The following BAIAP3 variants were observed in gnomAD, a reference collection of about 807,000 sequenced individuals.
BAIAP3 encodes BAI1-associated protein 3.
Under a neutral mutation model 149.7 loss-of-function variants are expected in BAIAP3, and 180 were observed. The ratio of observed to expected loss-of-function variants is 1.20; its 90% confidence interval spans 1.07 to 1.36. The LOEUF is 1.36. Among genes scored for constraint, BAIAP3 ranks in the 40% most tolerant of loss-of-function variants. BAIAP3 has a pLI of 0.00. For synonymous variants in BAIAP3, 845 were observed against 670.7 expected, an observed-to-expected ratio of 1.26 and a Z score of -4.02; for missense variants, 1,767 against 1,563.4, an observed-to-expected ratio of 1.13 and a Z score of -2.20.
At position 1,344,994 on chromosome 16, in the gene BAIAP3, C is replaced by T. The variant is rs368548091; in HGVS notation, c.1835C>T (p.Thr612Met). The T allele has an allele frequency of 2.4e-5, 39 of 1,612,718 alleles. No individual in the cohort carries two copies. Among genetic ancestry groups the T allele is most frequent in the East Asian group, 6.7e-5 (3 of 44,898 alleles). ...RLVAEEAWVL[T>M]EELSPKMTLE... is the part of the protein sequence containing the mutation. Reference sequence around the variant, plus strand: ...GTGGCTGAGGAGGCGTGGGTGCTGACGGAGGAGCTGAGCCCCAAGATGACC... The same window carrying T: ...GTGGCTGAGGAGGCGTGGGTGCTGATGGAGGAGCTGAGCCCCAAGATGACC... Residue 612 changes from threonine to methionine, a missense_variant, in exon 21 of 34, where the codon ACG (threonine) becomes ATG (methionine). Transcript: ENST00000426824.
intron 1 of BAIAP3, among the ~76,000 whole-genome samples, chr16:1,336,991 G>A (rs544116695): frequency 5.9e-5 from 9 of 152,326 alleles, no homozygotes; most frequent in African/African-American, 2.2e-4. Context: ...GAACCCAAGA[G>A]TGGGTACCTC....
At position 1,347,299 on chromosome 16, in the gene BAIAP3, C is replaced by T; in HGVS notation, c.2753C>T (p.Ala918Val). 2 of 1,613,178 alleles carry T rather than the reference C, an allele frequency of 1.2e-6. No homozygotes were observed. The highest frequency in any genetic ancestry group is 1.1e-5 in the South Asian group (1 of 91,060). Residue 918 changes from alanine to valine, a missense_variant and splice_region_variant, in exon 29 of 34, where the codon GCC becomes GTC. By Grantham distance (64) the Ala-to-Val change is moderately conservative. Coordinates refer to ENST00000426824, the MANE Select transcript of BAIAP3 (RefSeq NM_001199097.2). ...CTCTGCCTTCTTTCCCTGCCCCAGGCCCTGGTCAGTTTTTTCCACGCAGAG... is the reference window on the plus strand; with the variant it reads ...CTCTGCCTTCTTTCCCTGCCCCAGGTCCTGGTCAGTTTTTTCCACGCAGAG... ...FYSRFHFTLE[A>V]LVSFFHAEGQ... is the part of the protein sequence containing the mutation.
At chr16:1,341,081 G>A (rs368656465) in intron 6 of BAIAP3, 48 bp from the exon 7 acceptor site, 4 of 1,610,600 alleles carry the variant, frequency 2.5e-6, no homozygotes, top group African/African-American at 2.7e-5. Context: ...TAGGGCATCT[G>A]GGGGGCAGCT....
At position 1,348,308 on chromosome 16, in the gene BAIAP3, G is replaced by A. The variant is rs2034532553; in HGVS notation, c.3355+7G>A. On this transcript the variant is annotated splice_region_variant and intron_variant, in intron 33 of 33. Transcript: ENST00000426824. ...TGCCGGCCCAGAGCCCAGGGTGAGT[G>A]AGCATCTGGGTGGAGGCAGGGGCAG... The A allele has an allele frequency of 6.2e-7, 1 of 1,601,434 alleles. No individual in the cohort carries two copies. The highest frequency in any genetic ancestry group is 1.7e-5 in the Admixed American group (1 of 58,630).
intron 1 of BAIAP3, chr16:1,336,497 C>T: frequency 2.9e-6 from 2 of 693,622 alleles, no homozygotes; most frequent in Non-Finnish European, 3.6e-6. Context: ...AGAGCCTGCA[C>T]CCAGGGCTCG....
chr16:1,348,651 C>T lies in BAIAP3; in HGVS notation c.*169C>T. 1 of 678,024 alleles carries T rather than the reference C, an allele frequency of 1.5e-6. No homozygotes were observed. The highest frequency in any genetic ancestry group is 2.5e-6 in the Non-Finnish European group (1 of 399,168). 42.0% of individuals were successfully genotyped at this position (678,024 alleles called of 1,614,324 possible). On this transcript the variant is annotated 3_prime_UTR_variant, in exon 34 of 34. Coordinates refer to ENST00000426824, the MANE Select transcript of BAIAP3 (RefSeq NM_001199097.2). ...CGCCTACCGCCCTGGCCGTGTCTGT[C>T]TGGTGTGTGCTGTGAACCCCTGCAC... is the stretch of plus-strand genomic sequence containing the variant.
intron 1 of BAIAP3, chr16:1,334,368 C>T (rs1178686329): frequency 2.9e-5 from 13 of 454,724 alleles, no homozygotes; most frequent in South Asian, 2.2e-4. Context: ...CCGGACCGCC[C>T]GCCCCCTCCG....
rs376838060 is a variant in BAIAP3 at position 1,347,737 on chromosome 16, G to A, written c.2941G>A (p.Val981Ile). The A allele has an allele frequency of 2.6e-5, 42 of 1,610,004 alleles. No homozygotes were observed. Among genetic ancestry groups the A allele is most frequent in the East Asian group, 4.5e-5 (2 of 44,782 alleles). The change falls in exon 31 of 34, where the codon GTC (valine) becomes ATC (isoleucine). Residue 981 changes from valine to isoleucine, a missense_variant. Physicochemically the swap from Val to Ile is conservative, Grantham distance 29 (BLOSUM62 3). Coordinates refer to ENST00000426824, the MANE Select transcript of BAIAP3 (RefSeq NM_001199097.2). ...GCAGAACCGGTTTGGACGCCTGAGC[G>A]TCCGTTGCCATTACGAGGCGGCTGA... ...LEQNRFGRLS[V>I]RCHYEAAEQR...
At position 1,345,246 on chromosome 16, in the gene BAIAP3, C is replaced by T; in HGVS notation, c.1941-3C>T. The stretch of plus-strand genomic sequence containing the variant: ...CCGAGCCCTCACAACCCTCCCACCA[C>T]AGGGACAGCCGCTCTCTGGCCCTGG... On this transcript the variant is annotated splice_polypyrimidine_tract_variant and splice_region_variant and intron_variant, in intron 21 of 33. Coordinates refer to ENST00000426824, the MANE Select transcript of BAIAP3 (RefSeq NM_001199097.2). The T allele has an allele frequency of 1.2e-6, 2 of 1,612,758 alleles. No homozygotes were observed. The highest frequency in any genetic ancestry group is 1.7e-6 in the Non-Finnish European group (2 of 1,179,766).
chr16:1,334,880 C>T (rs1004826008), intron 1 of BAIAP3: 1 of 930,620 alleles, frequency 1.1e-6, no homozygotes, highest in Non-Finnish European at 1.7e-6. Context: ...GAGAGCCAGC[C>T]TGTGGGGCAG....
chr16:1,348,048 A>G, intron 32 of BAIAP3, 31 bp downstream of exon 32: 1 of 1,578,452 alleles, frequency 6.3e-7, no homozygotes, highest in Non-Finnish European at 8.5e-7. Flanking sequence ...CCCCAGCCCC[A>G]GGCTCCAGGC....
intron 5 of BAIAP3, 112 bp downstream of exon 5, chr16:1,339,715 T>C: frequency 2.3e-6 from 2 of 865,912 alleles, no homozygotes; most frequent in South Asian, 1.5e-5. Flanking sequence ...CCCCGATCCG[T>C]GCACAGCACA....
At chr16:1,343,967 C>T in intron 15 of BAIAP3, 55 bp from the exon 16 acceptor site, 6 of 1,603,744 alleles carry the variant, frequency 3.7e-6, no homozygotes, top group Non-Finnish European at 5.1e-6. Context: ...GAGGATGTTT[C>T]TCCTCATCAG....
rs768434936 is a variant in BAIAP3, at chr16:1,345,353, G to C, written c.2045G>C (p.Gly682Ala). The change falls in exon 22 of 34, where the codon GGA (glycine) becomes GCA (alanine). Residue 682 changes from glycine (G) to alanine (A), a missense_variant. Physicochemically the swap from Gly to Ala is moderately conservative, Grantham distance 60 (BLOSUM62 0). Coordinates refer to ENST00000426824, the MANE Select transcript of BAIAP3 (RefSeq NM_001199097.2). The part of the protein sequence containing the change: ...LRDQAKWRLQ[G>A]AVDMDTLEPV... Reference sequence around the variant, plus strand: ...GACCAGGCCAAGTGGAGGCTTCAGGGAGCCGTGGACATGGACACGGTGACA... The same window carrying C: ...GACCAGGCCAAGTGGAGGCTTCAGGCAGCCGTGGACATGGACACGGTGACA... 4 of 1,612,600 alleles carry C rather than the reference G, an allele frequency of 2.5e-6. No homozygotes were observed. The highest frequency in any genetic ancestry group is 3.4e-6 in the Non-Finnish European group (4 of 1,179,768).
rs754709280 is a variant in BAIAP3, at chr16:1,348,063, G to A, written c.3150-33G>A. 2.6e-5 allele frequency: 38 copies of A among 1,476,708 alleles called. No homozygotes were observed. The African/African-American group carries it at 2.6e-4, about 10-fold the overall frequency. The allele number at this position is 1,476,708 out of a possible 1,614,324, so 91.5% of individuals were successfully genotyped here. A position where few individuals can be genotyped will look rare whatever the true frequency, so the allele number is the denominator to read the frequency against. On this transcript the variant is annotated intron_variant, in intron 32 of 33. Transcript: ENST00000426824. Reference sequence around the variant, plus strand: ...CCCCAGCCCCAGGCTCCAGGCTGCCGGAGCGAGACTCCCGACTGGCCTCTG... The same window carrying A: ...CCCCAGCCCCAGGCTCCAGGCTGCCAGAGCGAGACTCCCGACTGGCCTCTG...
chr16:1,346,255 C>CG lies in BAIAP3; in HGVS notation c.2391dup (p.Pro798AlafsTer19). On this transcript the variant is annotated frameshift_variant, in exon 25 of 34. Coordinates refer to ENST00000426824, the MANE Select transcript of BAIAP3 (RefSeq NM_001199097.2). LOFTEE classifies it high-confidence loss of function. ...GGCCTGGCATGGCCAGAGGGGGCCA[C>CG]GGGGCCCGAGGGGGTGCTCCCCCGC... is the stretch of plus-strand genomic sequence containing the variant. 1 of 1,610,888 alleles carries CG rather than the reference C, an allele frequency of 6.2e-7. No individual in the cohort carries two copies. The highest frequency in any genetic ancestry group is 1.1e-5 in the South Asian group (1 of 90,854).
chr16:1,342,133 G>A, intron 10 of BAIAP3, 48 bp from the exon 11 acceptor site: 2 of 1,570,244 alleles, frequency 1.3e-6, no homozygotes, highest in Non-Finnish European at 1.7e-6. Flanking sequence ...GGCGGGCAGT[G>A]GCTCCCCAGG....
intron 14 of BAIAP3, 43 bp from the exon 15 acceptor site, chr16:1,343,350 G>C: frequency 6.4e-7 from 1 of 1,563,346 alleles, no homozygotes; most frequent in Non-Finnish European, 8.7e-7. Flanking sequence ...GGGCATGGCA[G>C]GGGCGGGGTT....
chr16:1,342,571 A>G lies in BAIAP3; in HGVS notation c.1002A>G (p.Pro334=). 6.4e-7 allele frequency: 1 copy of G among 1,559,538 alleles called. No homozygotes were observed. The highest frequency in any genetic ancestry group is 8.7e-7 in the Non-Finnish European group (1 of 1,152,652). The change falls in exon 12 of 34, where the codon CCA becomes CCG. Residue 334 remains proline, a synonymous_variant. Coordinates refer to ENST00000426824, the MANE Select transcript of BAIAP3 (RefSeq NM_001199097.2). ...AGVDRWFKLE[P]RSSASRVQGH... Reference sequence around the variant, plus strand: ...TCGACCGCTGGTTCAAGCTGGAGCCACGCTCCAGTGCCTCGCGTGTGCAGG... The same window carrying G: ...TCGACCGCTGGTTCAAGCTGGAGCCGCGCTCCAGTGCCTCGCGTGTGCAGG...
Sources: gnomAD v4.1 joint callset for allele counts (sites outside exome capture counted in the v4.1 genomes callset) on GRCh38, gnomAD v4.1.1 for gene constraint, MANE v1.5 for transcripts, NCBI Gene and HGNC (gene_info 2026-07-23, HGNC 2026-07-21) for gene names.